Variants in PTPRD observed in about 807,000 individuals in gnomAD.
PTPRD encodes the protein protein tyrosine phosphatase receptor type D, also known as receptor-type tyrosine-protein phosphatase delta.
In PTPRD, 34 loss-of-function variants were observed where a neutral mutation model predicts 214.5. The ratio of observed to expected loss-of-function variants is 0.16; its 90% CI spans 0.12 to 0.21. The LOEUF (loss-of-function observed/expected upper bound fraction) is 0.21, where lower values mean the gene tolerates loss of function less well. Ranked by LOEUF, PTPRD falls within the 10% of genes least tolerant of loss-of-function variation. The pLI is 1.00. For missense variants in PTPRD, 2,545 were observed against 2,398.7 expected (o/e 1.06, Z -1.27); for synonymous variants, 1,128 against 845.7 (o/e 1.33, Z -5.79).
chr9:10,041,993 C>T (rs2097304201), intron 3 of PTPRD, among the ~76,000 whole-genome samples: 3 of 152,018 alleles, frequency 2.0e-5, no homozygotes, highest in Non-Finnish European at 2.9e-5. Flanking sequence ...ATCTGCAGTA[C>T]TACACAATCG....
rs560172188 is a variant in PTPRD, at chr9:8,783,306, C to T, written c.-103-49360G>A. On this transcript the variant is annotated intron_variant, in intron 11 of 45. Transcript: ENST00000381196. ...CACAATGTTGGAGTTATTAATTTCCCACAAAGTTAAAGACTTTTCCTAGTA... is the reference window on the plus strand; with the variant it reads ...CACAATGTTGGAGTTATTAATTTCCTACAAAGTTAAAGACTTTTCCTAGTA... 2.0e-5 allele frequency among the ~76,000 whole-genome samples: 3 copies of T among 152,154 alleles called. No individual in the cohort carries two copies. The East Asian group carries it at 5.8e-4, about 29-fold the overall frequency.
intron 7 of PTPRD, among the ~76,000 whole-genome samples, chr9:9,642,609 A>G (rs2096004851): frequency 6.6e-6 from 1 of 152,032 alleles, no homozygotes; most frequent in Non-Finnish European, 1.5e-5. Context: ...TGATTTTGTT[A>G]TTGGGCCACG....
At chr9:9,353,679 T>G (rs1459668630) in intron 9 of PTPRD, among the ~76,000 whole-genome samples, 1 of 151,592 alleles carries the variant, frequency 6.6e-6, no homozygotes, top group Non-Finnish European at 1.5e-5. Context: ...AGCATGAGCA[T>G]CAAGTATTTT....
rs115311489 is a variant in PTPRD, at chr9:8,698,519, G to A, written c.64+35261C>T. 3.6e-3 allele frequency among the ~76,000 whole-genome samples: 550 copies of A among 152,274 alleles called. 1 individual carries two copies. The highest frequency in any genetic ancestry group is 0.013 in the African/African-American group (528 of 41,548). On this transcript the variant is annotated intron_variant, in intron 12 of 45. Coordinates refer to ENST00000381196, the MANE Select transcript of PTPRD (RefSeq NM_002839.4). Reference sequence around the variant, plus strand: ...AATAGCTGGATTTAAAAATTCTTCAGTCATTTTCTGTTGAAAGTTTTATCT... The same window carrying A: ...AATAGCTGGATTTAAAAATTCTTCAATCATTTTCTGTTGAAAGTTTTATCT...
In PTPRD at chr9:9,818,274, T is replaced by G. The variant is rs538738422; in HGVS notation, c.-367-51423A>C. On this transcript the variant is annotated intron_variant, in intron 5 of 45. Transcript: ENST00000381196. ...ACGCTGTTCTATATCCCCTAGACAA[T>G]ATTACATAGCTGCCAATGTGTAAAA... is the stretch of plus-strand genomic sequence containing the variant. Among the ~76,000 whole-genome samples, 47 of 152,252 alleles carry G rather than the reference T, an allele frequency of 3.1e-4. 2 individuals carry two copies. In the South Asian group the frequency reaches 9.5e-3, roughly 31 times the overall value.
At chr9:10,326,860 T>C (rs1002053538) in intron 3 of PTPRD, among the ~76,000 whole-genome samples, 5 of 151,468 alleles carry the variant, frequency 3.3e-5, no homozygotes, top group Non-Finnish European at 7.4e-5. Context: ...TCATGAGATA[T>C]CAATAAGACA....
chr9:8,918,637 T>G (rs2098804112), intron 11 of PTPRD, among the ~76,000 whole-genome samples: 1 of 152,162 alleles, frequency 6.6e-6, no homozygotes, highest in Admixed American at 6.5e-5. Flanking sequence ...GAAAACATAT[T>G]GCACACTTTC....
chr9:8,481,104 C>A (rs1054230447), intron 30 of PTPRD, among the ~76,000 whole-genome samples: 1 of 132,988 alleles, frequency 7.5e-6, no homozygotes, highest in Non-Finnish European at 1.5e-5. Flanking sequence ...GGCGCCACTG[C>A]ACGCCGGCCT....
At chr9:9,408,788 T>A (rs1033719395) in intron 8 of PTPRD, among the ~76,000 whole-genome samples, 4 of 151,898 alleles carry the variant, frequency 2.6e-5, no homozygotes, top group African/African-American at 7.2e-5. Flanking sequence ...ATAATGAACA[T>A]AAAACATCCC....
chr9:10,606,628 A>T (rs538453459), intron 2 of PTPRD, among the ~76,000 whole-genome samples: 1 of 151,544 alleles, frequency 6.6e-6, no homozygotes, highest in Admixed American at 6.6e-5. Context: ...TGGTATAAAG[A>T]AGCTATATCT....
chr9:9,306,488 CAGG>C (rs1569567226), intron 9 of PTPRD, among the ~76,000 whole-genome samples: 1 of 142,724 alleles, frequency 7.0e-6, no homozygotes, highest in Non-Finnish European at 1.5e-5. Flanking sequence ...CTCTTGAACC[CAGG>C]AGGCAGAGGT....
At chr9:9,191,336 T>G (rs907447264) in intron 9 of PTPRD, among the ~76,000 whole-genome samples, 3 of 152,070 alleles carry the variant, frequency 2.0e-5, no homozygotes, top group African/African-American at 7.2e-5. Flanking sequence ...GCCATGTTGC[T>G]GAACTTGAGT....
At chr9:9,940,289 C>T (rs2091060272) in intron 4 of PTPRD, among the ~76,000 whole-genome samples, 1 of 152,102 alleles carries the variant, frequency 6.6e-6, no homozygotes, top group Non-Finnish European at 1.5e-5. Context: ...AAACCCCGCT[C>T]ATCTTCTCCC....
intron 11 of PTPRD, among the ~76,000 whole-genome samples, chr9:8,929,073 T>G (rs2098925881): frequency 6.6e-6 from 1 of 152,164 alleles, no homozygotes; most frequent in African/African-American, 2.4e-5. Context: ...GCTTATCAGC[T>G]TGCAGAAATT....
intron 11 of PTPRD, among the ~76,000 whole-genome samples, chr9:8,998,248 G>A (rs958418791): frequency 2.6e-5 from 4 of 152,060 alleles, no homozygotes; most frequent in African/African-American, 9.7e-5. Flanking sequence ...AGAAGTCAAT[G>A]CCTGGCTTCA....
chr9:8,341,437 A>G (rs1852335266), intron 40 of PTPRD, among the ~76,000 whole-genome samples, 169 bp from the exon 41 acceptor site: 3 of 152,038 alleles, frequency 2.0e-5, no homozygotes, highest in Non-Finnish European at 4.4e-5. Context: ...ATCACTCTCT[A>G]TAGCCTATTG....
intron 7 of PTPRD, among the ~76,000 whole-genome samples, chr9:9,653,018 C>T (rs963148143): frequency 6.6e-6 from 1 of 152,012 alleles, no homozygotes; most frequent in African/African-American, 2.4e-5. Context: ...TAATCAAAGC[C>T]CCTATTTTTC....
In PTPRD at chr9:8,382,715, G is replaced by A. The variant is rs139514564; in HGVS notation, c.4387-5989C>T. Among the ~76,000 whole-genome samples the A allele has an allele frequency of 2.0e-3, 305 of 152,188 alleles. 1 individual carries two copies. Among genetic ancestry groups the A allele is most frequent in the African/African-American group, 6.7e-3 (280 of 41,534 alleles). ...GAGCATCATTCTTTTTGTTGCCAGC[G>A]TCCTATTTACATTAAGTATCCACCA... On this transcript the variant is annotated intron_variant, in intron 37 of 45. Coordinates refer to ENST00000381196, the MANE Select transcript of PTPRD (RefSeq NM_002839.4).
chr9:9,944,515 A>AT (rs1002490444), intron 4 of PTPRD, among the ~76,000 whole-genome samples: 6 of 152,042 alleles, frequency 3.9e-5, no homozygotes, highest in African/African-American at 1.4e-4. Flanking sequence ...TAATAAAAAG[A>AT]TTTTTTTAAT....
Sources: allele counts gnomAD v4.1 joint callset (sites outside exome capture counted in the v4.1 genomes callset), GRCh38; gene constraint gnomAD v4.1.1; transcripts MANE v1.5; gene names NCBI Gene and HGNC (gene_info 2026-07-23, HGNC 2026-07-21).